CREB5: variants seen among roughly 807,000 people sequenced by gnomAD.
CREB5 encodes the protein cyclic AMP-responsive element-binding protein 5.
A neutral mutation model predicts 57.1 loss-of-function variants in CREB5; 19 were observed. That is an observed-to-expected ratio of 0.33 (90% confidence interval 0.23 to 0.49). CREB5 has a LOEUF of 0.49. CREB5 is among the 20% of genes least tolerant of loss of function. The pLI is 0.99. For synonymous variants in CREB5, 238 were observed against 238.3 expected (o/e 1.00, Z 0.01); for missense variants, 579 against 671.6 (o/e 0.86, Z 1.52).
intron 7 of CREB5, among the ~76,000 whole-genome samples, chr7:28,747,408 T>A (rs1804744818): frequency 6.6e-6 from 1 of 152,192 alleles, no homozygotes. Context: ...GCATTTAGAA[T>A]AGCAAAGTGG....
intron 7 of CREB5, chr7:28,749,243 A>G (rs1804845398): frequency 1.3e-5 from 2 of 152,246 alleles, no homozygotes; most frequent in African/African-American, 4.8e-5. Flanking sequence ...TGAGTTAATT[A>G]GTATTTAAAT....
intron 1 of CREB5, among the ~76,000 whole-genome samples, chr7:28,350,559 T>C (rs1288228668): frequency 1.3e-5 from 2 of 151,146 alleles, no homozygotes; most frequent in Non-Finnish European, 2.9e-5. Context: ...GCTGTTGAGA[T>C]GGAAAAAAAA....
intron 1 of CREB5, among the ~76,000 whole-genome samples, chr7:28,385,513 CAAAAAATAA>C (rs1787071083): frequency 6.6e-6 from 1 of 151,744 alleles, no homozygotes; most frequent in Non-Finnish European, 1.5e-5. Flanking sequence ...CCTGTCTCTA[CAAAAAATAA>C]AAAATTACCT....
intron 4 of CREB5, among the ~76,000 whole-genome samples, chr7:28,565,582 G>A (rs1035495397): frequency 1.3e-5 from 2 of 152,164 alleles, no homozygotes; most frequent in East Asian, 3.8e-4. Context: ...TTCAACGTAG[G>A]TATTCAAATT....
intron 7 of CREB5, among the ~76,000 whole-genome samples, chr7:28,736,035 G>A (rs764294574): frequency 3.4e-4 from 51 of 152,202 alleles, no homozygotes; most frequent in Non-Finnish European, 5.7e-4. Context: ...CTGGCCTCAA[G>A]CGATCCTCAC....
intron 5 of CREB5, among the ~76,000 whole-genome samples, chr7:28,668,071 A>G (rs115557024): frequency 2.1e-3 from 316 of 152,322 alleles, no homozygotes; most frequent in African/African-American, 6.6e-3. Context: ...ACACATTTTC[A>G]TAAACCAATC....
chr7:28,540,969 T>C (rs1794186175), intron 4 of CREB5, among the ~76,000 whole-genome samples: 1 of 152,198 alleles, frequency 6.6e-6, no homozygotes, highest in African/African-American at 2.4e-5. Flanking sequence ...CACGCCACCT[T>C]GAATGCTTGC....
chr7:28,649,258 A>G (rs1198480459), intron 5 of CREB5, among the ~76,000 whole-genome samples: 3 of 152,272 alleles, frequency 2.0e-5, no homozygotes, highest in African/African-American at 7.2e-5. Flanking sequence ...GGCCAAATTC[A>G]GCCTGCCACC....
chr7:28,583,161 A>G (rs1796181086), intron 5 of CREB5, among the ~76,000 whole-genome samples: 1 of 152,218 alleles, frequency 6.6e-6, no homozygotes, highest in South Asian at 2.1e-4. Context: ...CCACATAAGC[A>G]TTTCTTTGAA....
chr7:28,339,949 A>G (rs1943406386), intron 1 of CREB5, among the ~76,000 whole-genome samples: 1 of 152,110 alleles, frequency 6.6e-6, no homozygotes, highest in African/African-American at 2.4e-5. Flanking sequence ...CTGTCATGCT[A>G]CCGCCAATGT....
chr7:28,334,150 C>T (rs1161682599), intron 1 of CREB5, among the ~76,000 whole-genome samples: 1 of 151,936 alleles, frequency 6.6e-6, no homozygotes, highest in Admixed American at 6.6e-5. Flanking sequence ...TGATGTTGAG[C>T]AGCTTTTTTT....
At chr7:28,512,121 T>A (rs1348573039) in intron 4 of CREB5, among the ~76,000 whole-genome samples, 1 of 152,164 alleles carries the variant, frequency 6.6e-6, no homozygotes, top group East Asian at 1.9e-4. Context: ...GGAGTGGGTT[T>A]AAGGGGAAAA....
chr7:28,754,618 A>T (rs1168630919), intron 7 of CREB5, among the ~76,000 whole-genome samples: 6 of 152,148 alleles, frequency 3.9e-5, no homozygotes, highest in Admixed American at 3.9e-4. Flanking sequence ...TTTTACCTAC[A>T]TTTCCTACTA....
chr7:28,519,953 C>G (rs376312846), intron 4 of CREB5, among the ~76,000 whole-genome samples: 3 of 152,116 alleles, frequency 2.0e-5, no homozygotes, highest in African/African-American at 7.2e-5. Context: ...TTAAACCAAA[C>G]TGAAAATGGA....
chr7:28,657,717 GAAA>G (rs59307921), intron 5 of CREB5, among the ~76,000 whole-genome samples: 4 of 54,026 alleles, frequency 7.4e-5, no homozygotes, highest in African/African-American at 2.7e-4. Flanking sequence ...ACTCTCTCTC[GAAA>G]AAAAAAAAAA....
chr7:28,533,271 AG>A (rs1257470233), intron 4 of CREB5, among the ~76,000 whole-genome samples: 1 of 152,230 alleles, frequency 6.6e-6, no homozygotes, highest in Non-Finnish European at 1.5e-5. Flanking sequence ...TAACGAAGCA[AG>A]ACCAGACTTT....
At chr7:28,713,899 T>C (rs955612413) in intron 5 of CREB5, among the ~76,000 whole-genome samples, 4 of 152,196 alleles carry the variant, frequency 2.6e-5, no homozygotes, top group African/African-American at 9.6e-5. Flanking sequence ...CAAGTCCTTA[T>C]GTTATTATTT....
intron 5 of CREB5, among the ~76,000 whole-genome samples, chr7:28,687,029 C>A (rs1340494881): frequency 6.6e-6 from 1 of 151,986 alleles, no homozygotes; most frequent in Non-Finnish European, 1.5e-5. Flanking sequence ...TTGTAAATGA[C>A]TGGAAAACTG....
chr7:28,741,678 A>G (rs1157285677), intron 7 of CREB5, among the ~76,000 whole-genome samples: 1 of 152,210 alleles, frequency 6.6e-6, no homozygotes, highest in Admixed American at 6.5e-5. Context: ...TGATGATCGT[A>G]TGACAATCAA....
Sources: gnomAD v4.1 joint callset for allele counts (sites outside exome capture counted in the v4.1 genomes callset) on GRCh38, gnomAD v4.1.1 for gene constraint, MANE v1.5 for transcripts, NCBI Gene and HGNC (gene_info 2026-07-23, HGNC 2026-07-21) for gene names.